UNCX: variants seen among roughly 807,000 people sequenced by gnomAD.
UNCX encodes UNC homeobox, also known as homeobox protein unc-4 homolog.
In UNCX, 4 loss-of-function variants were observed where a neutral mutation model predicts 14.8. The observed-to-expected ratio is 0.27, with a 90% CI of 0.13 to 0.62. UNCX has a LOEUF of 0.62. Ranked by LOEUF, UNCX falls within the 20% of genes least tolerant of loss-of-function variation. The pLI is 0.86. For synonymous variants in UNCX, 459 were observed against 395.8 expected, an observed-to-expected ratio of 1.16 and a Z score of -1.90; for missense variants, 749 against 786.8, an observed-to-expected ratio of 0.95 and a Z score of 0.58.
rs1376482105 is a variant in UNCX, at chr7:1,236,958, A to C, written c.1577A>C (p.Glu526Ala). ...GCCGGACCCAGCCCGCCGGAGGGCG[A>C]GGAGCTGGACATGGACTGAGGCCGC... ...AAAGPSPPEGEELDMD is the reference protein window; with the variant it reads ...AAAGPSPPEGAELDMD The change falls in exon 3 of 3, where the codon GAG becomes GCG. Residue 526 changes from glutamate (E) to alanine (A), a missense_variant. Physicochemically the swap from Glu to Ala is moderately radical, Grantham distance 107. Transcript: ENST00000316333. This position sits in a 1 kb window ranked among gnomAD's most constrained non-coding sequence, Gnocchi z 6.9. The C allele has an allele frequency of 8.4e-7, 1 of 1,196,564 alleles. No homozygotes were observed. The highest frequency in any genetic ancestry group is 1.6e-5 in the African/African-American group (1 of 62,600). 74.1% of individuals were successfully genotyped at this position (1,196,564 alleles called of 1,614,324 possible).
At position 1,236,331 on chromosome 7, in the gene UNCX, C is replaced by T. The variant is rs1469219851; in HGVS notation, c.950C>T (p.Ala317Val). ...AASCGPGAAV[A>V]AVERGAAGLP... The stretch of plus-strand genomic sequence containing the variant: ...TCGTGCGGGCCAGGGGCCGCTGTGG[C>T]GGCGGTGGAGCGCGGCGCCGCGGGG... The change falls in exon 3 of 3, where the codon GCG (alanine) becomes GTG (valine). Residue 317 changes from alanine to valine, a missense_variant. Coordinates refer to ENST00000316333, the MANE Select transcript of UNCX (RefSeq NM_001080461.3). The surrounding 1 kb of genome is among the most constrained non-coding windows in gnomAD (Gnocchi z 6.9). The T allele has an allele frequency of 1.5e-6, 2 of 1,295,880 alleles. 1 individual carries two copies. The highest frequency in any genetic ancestry group is 3.9e-5 in the South Asian group (2 of 51,604). 80.3% of individuals were successfully genotyped at this position (1,295,880 alleles called of 1,614,324 possible).
At chr7:1,235,458 C>CAGGAAGG (rs1778720791) in intron 2 of UNCX, among the ~76,000 whole-genome samples, 1 of 152,240 alleles carries the variant, frequency 6.6e-6, no homozygotes, top group African/African-American at 2.4e-5. Context: ...GAACACGAGC[C>CAGGAAGG]GTGAGCGGCC....
rs199756495 is a variant in UNCX at position 1,235,895 on chromosome 7, C to A, written c.514C>A (p.Arg172=). The A allele has an allele frequency of 6.2e-7, 1 of 1,612,310 alleles. No homozygotes were observed. Among genetic ancestry groups the A allele is most frequent in the Non-Finnish European group, 8.5e-7 (1 of 1,179,686 alleles). Residue 172 remains arginine (R), a synonymous_variant, in exon 3 of 3, where the codon CGG becomes AGG. Transcript: ENST00000316333. ...KKENTKKGPG[R]PAHNSHPTTC... ...GGAGAACACGAAAAAGGGCCCGGGG[C>A]GGCCGGCGCACAACTCGCACCCGAC...
Position 1,233,125 on chromosome 7 carries a change from G to C in UNCX, c.108G>C (p.Leu36=). 6.8e-7 allele frequency: 1 copy of C among 1,465,492 alleles called. No homozygotes were observed. Among genetic ancestry groups the C allele is most frequent in the African/African-American group, 1.5e-5 (1 of 67,990 alleles). 90.8% of individuals were successfully genotyped at this position (1,465,492 alleles called of 1,614,324 possible). Reference sequence around the variant, plus strand: ...TGGGCCACCACCACGTGTACGAGCTGGCCGGGCACCAGCTGCAGTCGGCCG... The same window carrying C: ...TGGGCCACCACCACGTGTACGAGCTCGCCGGGCACCAGCTGCAGTCGGCCG... ...YPLGHHHVYE[L]AGHQLQSAAA... The change falls in exon 1 of 3, where the codon CTG becomes CTC. Residue 36 remains leucine, a synonymous_variant. Coordinates refer to ENST00000316333, the MANE Select transcript of UNCX (RefSeq NM_001080461.3). This position sits in a 1 kb window ranked among gnomAD's most constrained non-coding sequence, Gnocchi z 5.3.
In UNCX at chr7:1,237,190, T is replaced by C; in HGVS notation, c.*213T>C. The stretch of plus-strand genomic sequence containing the variant: ...CACAGGACTGGGGGTGAGACCCTCC[T>C]CCTCCCAAGAGAGCAAAAAGGACCC... On this transcript the variant is annotated 3_prime_UTR_variant, in exon 3 of 3. Transcript: ENST00000316333. This position sits in a 1 kb window ranked among gnomAD's most constrained non-coding sequence, Gnocchi z 5.8. 3.7e-6 allele frequency: 1 copy of C among 270,182 alleles called. No individual in the cohort carries two copies. Among genetic ancestry groups the C allele is most frequent in the Non-Finnish European group, 6.1e-6 (1 of 163,500 alleles). 16.7% of individuals were successfully genotyped at this position (270,182 alleles called of 1,614,324 possible).
rs1230844270 is a variant in UNCX at position 1,233,390 on chromosome 7, C to T, written c.274+99C>T. 6 of 1,319,484 alleles carry T rather than the reference C, an allele frequency of 4.5e-6. No homozygotes were observed. The African/African-American group carries it at 8.0e-5, about 18-fold the overall frequency. The allele number at this position is 1,319,484 out of a possible 1,614,324, so 81.7% of individuals were successfully genotyped here. A position where few individuals can be genotyped will look rare whatever the true frequency, so the allele number is the denominator to read the frequency against. On this transcript the variant is annotated intron_variant, in intron 1 of 2. Coordinates refer to ENST00000316333, the MANE Select transcript of UNCX (RefSeq NM_001080461.3). This position sits in a 1 kb window ranked among gnomAD's most constrained non-coding sequence, Gnocchi z 5.3. The stretch of plus-strand genomic sequence containing the variant: ...GGGGCCCGGGGCTGGCGAAGGAGAG[C>T]CGGCTCCTAGGCGGCCGTCTCTGCG...
Position 1,233,172 on chromosome 7 carries a change from T to C in UNCX, c.155T>C (p.Phe52Ser), listed in dbSNP as rs1320418038. The C allele has an allele frequency of 4.1e-6, 6 of 1,460,568 alleles. No individual in the cohort carries two copies. Among genetic ancestry groups the C allele is most frequent in the Non-Finnish European group, 5.4e-6 (6 of 1,110,492 alleles). The allele number at this position is 1,460,568 out of a possible 1,614,324, so 90.5% of individuals were successfully genotyped here. A position where few individuals can be genotyped will look rare whatever the true frequency, so the allele number is the denominator to read the frequency against. Residue 52 changes from phenylalanine (F) to serine (S), a missense_variant, in exon 1 of 3, where the codon TTC (phenylalanine) becomes TCC (serine). This residue lies in a region of UNCX where 155 missense variants were observed against 166.7 expected (regional missense o/e 0.93). Transcript: ENST00000316333. This position sits in a 1 kb window ranked among gnomAD's most constrained non-coding sequence, Gnocchi z 5.3. The stretch of plus-strand genomic sequence containing the variant: ...GCCGCCGCCGCCGCCTCGGTGCCCT[T>C]CTCCATCGACGGCCTGCTCGGGGGC... Reference protein sequence around the residue: ...QSAAAAASVPFSIDGLLGGSC... With the variant: ...QSAAAAASVPSSIDGLLGGSC...
rs765432300 is a variant in UNCX at position 1,235,999 on chromosome 7, G to A, written c.618G>A (p.Lys206=). 2.5e-6 allele frequency: 4 copies of A among 1,609,208 alleles called. No homozygotes were observed. In the African/African-American group the frequency reaches 5.3e-5, roughly 21 times the overall value. The part of the protein sequence containing the change: ...ELEKMEKKKR[K]HEKKLLKSQG... Reference sequence around the variant, plus strand: ...AGAAGATGGAGAAGAAGAAGCGCAAGCACGAGAAGAAGCTGCTGAAGAGCC... The same window carrying A: ...AGAAGATGGAGAAGAAGAAGCGCAAACACGAGAAGAAGCTGCTGAAGAGCC... The change falls in exon 3 of 3, where the codon AAG becomes AAA. Residue 206 remains lysine (K), a synonymous_variant. Transcript: ENST00000316333.
In UNCX at chr7:1,236,036, T is replaced by G; in HGVS notation, c.655T>G (p.Leu219Val). The G allele has an allele frequency of 6.2e-7, 1 of 1,604,796 alleles. No homozygotes were observed. The highest frequency in any genetic ancestry group is 8.5e-7 in the Non-Finnish European group (1 of 1,176,818). ...KKLLKSQGRH[L>V]HSPGGLSLHS... is the part of the protein sequence containing the mutation. ...GCTGCTGAAGAGCCAGGGCCGCCACTTGCACTCGCCCGGCGGCCTGTCCCT... is the reference window on the plus strand; with the variant it reads ...GCTGCTGAAGAGCCAGGGCCGCCACGTGCACTCGCCCGGCGGCCTGTCCCT... The change falls in exon 3 of 3, where the codon TTG (leucine) becomes GTG (valine). Residue 219 changes from leucine (L) to valine (V), a missense_variant. Physicochemically the swap from Leu to Val is conservative, Grantham distance 32 (BLOSUM62 1). Coordinates refer to ENST00000316333, the MANE Select transcript of UNCX (RefSeq NM_001080461.3). This position sits in a 1 kb window ranked among gnomAD's most constrained non-coding sequence, Gnocchi z 6.9.
chr7:1,233,809 G>C lies in UNCX; in HGVS notation c.450+114G>C. 1.5e-6 allele frequency: 2 copies of C among 1,321,372 alleles called. No individual in the cohort carries two copies. Among genetic ancestry groups the C allele is most frequent in the South Asian group, 3.0e-5 (2 of 66,742 alleles). The allele number at this position is 1,321,372 out of a possible 1,614,324, so 81.9% of individuals were successfully genotyped here. On this transcript the variant is annotated intron_variant, in intron 2 of 2. Coordinates refer to ENST00000316333, the MANE Select transcript of UNCX (RefSeq NM_001080461.3). This position sits in a 1 kb window ranked among gnomAD's most constrained non-coding sequence, Gnocchi z 5.3. ...CGTCCCCTTGCCGCGGGCCCGCTTC[G>C]CGCTCGCCTGCTGGGGAAGAGTGGA...
In UNCX at chr7:1,236,284, C is replaced by A; in HGVS notation, c.903C>A (p.Arg301=). ...CCGGCCCACAGCCGCGCCCAGGTCG[C>A]CCTGCGGACAAGGACGCGGCCTCGT... ...SGAGPQPRPG[R]PADKDAASCG... The change falls in exon 3 of 3, where the codon CGC becomes CGA. Residue 301 remains arginine, a synonymous_variant. Transcript: ENST00000316333. This position sits in a 1 kb window ranked among gnomAD's most constrained non-coding sequence, Gnocchi z 6.9. 1 of 1,377,242 alleles carries A rather than the reference C, an allele frequency of 7.3e-7. No homozygotes were observed. The highest frequency in any genetic ancestry group is 9.4e-7 in the Non-Finnish European group (1 of 1,059,854). The allele number at this position is 1,377,242 out of a possible 1,614,324, so 85.3% of individuals were successfully genotyped here. A position where few individuals can be genotyped will look rare whatever the true frequency, so the allele number is the denominator to read the frequency against.
rs1451763623 is a variant in UNCX at position 1,237,111 on chromosome 7, AT to A, written c.*142del. 130 of 877,194 alleles carry A rather than the reference AT, an allele frequency of 1.5e-4. No individual in the cohort carries two copies. Among genetic ancestry groups the A allele is most frequent in the Middle Eastern group, 1.0e-3 (2 of 1,920 alleles). 54.3% of individuals were successfully genotyped at this position (877,194 alleles called of 1,614,324 possible). A position where few individuals can be genotyped will look rare whatever the true frequency, so the allele number is the denominator to read the frequency against. On this transcript the variant is annotated 3_prime_UTR_variant, in exon 3 of 3. Coordinates refer to ENST00000316333, the MANE Select transcript of UNCX (RefSeq NM_001080461.3). This position sits in a 1 kb window ranked among gnomAD's most constrained non-coding sequence, Gnocchi z 5.8. ...TTTCTTTTGTTTTCTTTCTTTTATT[AT>A]TTTTTTTAAGAGTAAACGAAAGTGC... is the stretch of plus-strand genomic sequence containing the variant.
rs1234741313 is a variant in UNCX at position 1,233,426 on chromosome 7, C to CG, written c.275-92dup. ...GCGGCCGTCTCTGCGCCCCCCCCCCCGGATCCAGGCGGCCAGCGGGTAGCG... is the reference window on the plus strand; with the variant it reads ...GCGGCCGTCTCTGCGCCCCCCCCCCCGGGATCCAGGCGGCCAGCGGGTAGCG... On this transcript the variant is annotated intron_variant, in intron 1 of 2. Coordinates refer to ENST00000316333, the MANE Select transcript of UNCX (RefSeq NM_001080461.3). The surrounding 1 kb of genome is among the most constrained non-coding windows in gnomAD (Gnocchi z 5.3). 3.0e-6 allele frequency: 4 copies of CG among 1,352,474 alleles called. No individual in the cohort carries two copies. The highest frequency in any genetic ancestry group is 2.9e-6 in the Non-Finnish European group (3 of 1,050,056). The allele number at this position is 1,352,474 out of a possible 1,614,324, so 83.8% of individuals were successfully genotyped here. A position where few individuals can be genotyped will look rare whatever the true frequency, so the allele number is the denominator to read the frequency against.
At position 1,233,039 on chromosome 7, in the gene UNCX, G is replaced by C; in HGVS notation, c.22G>C (p.Glu8Gln). 7.5e-7 allele frequency: 1 copy of C among 1,326,836 alleles called. No individual in the cohort carries two copies. The highest frequency in any genetic ancestry group is 2.0e-5 in the South Asian group (1 of 50,380). The allele number at this position is 1,326,836 out of a possible 1,614,324, so 82.2% of individuals were successfully genotyped here. ...CGAGATGATGGACGGCCGCCTCCTG[G>C]AACACCCGCATGCCCAGTTCGGGGG... Reference protein sequence around the residue: MMDGRLLEHPHAQFGGSL... With the variant: MMDGRLLQHPHAQFGGSL... The change falls in exon 1 of 3, where the codon GAA becomes CAA. Residue 8 changes from glutamate to glutamine, a missense_variant. By Grantham distance (29) the Glu-to-Gln change is conservative. This residue lies in a region of UNCX where 155 missense variants were observed against 166.7 expected (regional missense o/e 0.93). Coordinates refer to ENST00000316333, the MANE Select transcript of UNCX (RefSeq NM_001080461.3). This position sits in a 1 kb window ranked among gnomAD's most constrained non-coding sequence, Gnocchi z 5.3.
At position 1,236,365 on chromosome 7, in the gene UNCX, G is replaced by T; in HGVS notation, c.984G>T (p.Lys328Asn). 1 of 1,354,650 alleles carries T rather than the reference G, an allele frequency of 7.4e-7. No individual in the cohort carries two copies. The highest frequency in any genetic ancestry group is 9.5e-7 in the Non-Finnish European group (1 of 1,050,808). 83.9% of individuals were successfully genotyped at this position (1,354,650 alleles called of 1,614,324 possible). Residue 328 changes from lysine to asparagine, a missense_variant, in exon 3 of 3, where the codon AAG (lysine) becomes AAT (asparagine). Coordinates refer to ENST00000316333, the MANE Select transcript of UNCX (RefSeq NM_001080461.3). The surrounding 1 kb of genome is among the most constrained non-coding windows in gnomAD (Gnocchi z 6.9). Reference protein sequence around the residue: ...AVERGAAGLPKASPFSVESLL... With the variant: ...AVERGAAGLPNASPFSVESLL... ...AGCGCGGCGCCGCGGGGCTGCCCAA[G>T]GCCAGCCCATTCAGCGTGGAGAGCC...
At position 1,233,110 on chromosome 7, in the gene UNCX, C is replaced by G. The variant is rs1778673551; in HGVS notation, c.93C>G (p.His31Gln). The change falls in exon 1 of 3, where the codon CAC becomes CAG. Residue 31 changes from histidine to glutamine, a missense_variant. Around this residue, in one of 3 missense-constraint regions of UNCX, gnomAD observed 155 missense variants for 166.7 expected, o/e 0.93. Coordinates refer to ENST00000316333, the MANE Select transcript of UNCX (RefSeq NM_001080461.3). The surrounding 1 kb of genome is among the most constrained non-coding windows in gnomAD (Gnocchi z 5.3). The stretch of plus-strand genomic sequence containing the variant: ...GCTTCCCCTACCCGCTGGGCCACCA[C>G]CACGTGTACGAGCTGGCCGGGCACC... ...VVGFPYPLGH[H>Q]HVYELAGHQL... The G allele has an allele frequency of 6.8e-7, 1 of 1,463,866 alleles. No individual in the cohort carries two copies. The highest frequency in any genetic ancestry group is 1.5e-5 in the African/African-American group (1 of 67,888). The allele number at this position is 1,463,866 out of a possible 1,614,324, so 90.7% of individuals were successfully genotyped here. A position where few individuals can be genotyped will look rare whatever the true frequency, so the allele number is the denominator to read the frequency against.
rs1778739551 is a variant in UNCX at position 1,236,313 on chromosome 7, G to T, written c.932G>T (p.Gly311Val). The T allele has an allele frequency of 7.6e-7, 1 of 1,308,716 alleles. No individual in the cohort carries two copies. The highest frequency in any genetic ancestry group is 9.7e-7 in the Non-Finnish European group (1 of 1,028,962). The allele number at this position is 1,308,716 out of a possible 1,614,324, so 81.1% of individuals were successfully genotyped here. A position where few individuals can be genotyped will look rare whatever the true frequency, so the allele number is the denominator to read the frequency against. Residue 311 changes from glycine (G) to valine (V), a missense_variant, in exon 3 of 3, where the codon GGG becomes GTG. Physicochemically the swap from Gly to Val is moderately radical, Grantham distance 109. This residue lies in a region of UNCX where 552 missense variants were observed against 507.2 expected (regional missense o/e 1.09). Transcript: ENST00000316333. The surrounding 1 kb of genome is among the most constrained non-coding windows in gnomAD (Gnocchi z 6.9). The stretch of plus-strand genomic sequence containing the variant: ...GCGGACAAGGACGCGGCCTCGTGCG[G>T]GCCAGGGGCCGCTGTGGCGGCGGTG... Reference protein sequence around the residue: ...RPADKDAASCGPGAAVAAVER... With the variant: ...RPADKDAASCVPGAAVAAVER...
In UNCX at chr7:1,236,552, G is replaced by C; in HGVS notation, c.1171G>C (p.Val391Leu). 2 of 1,371,968 alleles carry C rather than the reference G, an allele frequency of 1.5e-6. No individual in the cohort carries two copies. Among genetic ancestry groups the C allele is most frequent in the South Asian group, 1.4e-5 (1 of 70,892 alleles). 85.0% of individuals were successfully genotyped at this position (1,371,968 alleles called of 1,614,324 possible). Residue 391 changes from valine to leucine, a missense_variant, in exon 3 of 3, where the codon GTG becomes CTG. This residue lies in a region of UNCX where 552 missense variants were observed against 507.2 expected (regional missense o/e 1.09). Transcript: ENST00000316333. The surrounding 1 kb of genome is among the most constrained non-coding windows in gnomAD (Gnocchi z 6.9). ...CATCACGCAGCCGCTCGGCTTCCTG[G>C]TGCCGCAGGCCGCGCTCAAGGGCGG... Reference protein sequence around the residue: ...YPITQPLGFLVPQAALKGGAG... With the variant: ...YPITQPLGFLLPQAALKGGAG...
Position 1,233,263 on chromosome 7 carries a change from C to G in UNCX, c.246C>G (p.Gly82=). 1 of 1,319,004 alleles carries G rather than the reference C, an allele frequency of 7.6e-7. No individual in the cohort carries two copies. The highest frequency in any genetic ancestry group is 1.9e-5 in the South Asian group (1 of 52,876). 81.7% of individuals were successfully genotyped at this position (1,319,004 alleles called of 1,614,324 possible). The change falls in exon 1 of 3, where the codon GGC becomes GGG. Residue 82 remains glycine, a synonymous_variant. Coordinates refer to ENST00000316333, the MANE Select transcript of UNCX (RefSeq NM_001080461.3). The surrounding 1 kb of genome is among the most constrained non-coding windows in gnomAD (Gnocchi z 5.3). ...TGCTGCCAGCCGCCTGCGGGGTCGG[C>G]GGGGACGGCCAGCCCTTCAAGCTGT... ...TPLLPAACGV[G]GDGQPFKLSD...
Sources: allele counts gnomAD v4.1 joint callset (sites outside exome capture counted in the v4.1 genomes callset), GRCh38; gene constraint gnomAD v4.1.1; regional missense constraint gnomAD v4.1.1; non-coding constraint Gnocchi (gnomAD v3.1); transcripts MANE v1.5; gene names NCBI Gene and HGNC (gene_info 2026-07-23, HGNC 2026-07-21).